Variants in ARVCF observed in about 807,000 individuals in gnomAD.
The protein encoded by ARVCF is splicing regulator ARVCF.
ARVCF carries 66 observed loss-of-function variants against 90.9 expected under a neutral mutation model. The ratio of observed to expected loss-of-function variants is 0.73; its 90% CI spans 0.60 to 0.89. ARVCF has a LOEUF of 0.89. Among genes scored for constraint, ARVCF ranks in the 40% least tolerant of loss-of-function variants. The pLI is 0.00. For synonymous variants in ARVCF, 653 were observed against 603.4 expected (o/e 1.08, Z -1.21); for missense variants, 1,469 against 1,382.3 (o/e 1.06, Z -1.00).
rs1943992787 is a variant in ARVCF at position 19,990,687 on chromosome 22, A to G, written c.108T>C (p.His36=). 6.2e-7 allele frequency: 1 copy of G among 1,604,004 alleles called. No homozygotes were observed. The change falls in exon 3 of 20, where the codon CAT becomes CAC. Residue 36 remains histidine (H), a synonymous_variant. Transcript: ENST00000263207. The stretch of plus-strand genomic sequence containing the variant: ...GGGCACGCTCCAGCTGTAGGGCAAC[A>G]TGGCGCCGCTCCTGCTCCAGTGCCC... ...LTRALEQERR[H]VALQLERAQQ... is the part of the protein sequence containing the mutation.
At chr22:19,991,072 G>A (rs182177413) in intron 2 of ARVCF, among the ~76,000 whole-genome samples, 13 of 152,374 alleles carry the variant, frequency 8.5e-5, no homozygotes, top group African/African-American at 2.6e-4. Flanking sequence ...GCAGAAACAT[G>A]GGCCGTGGGC....
chr22:19,980,849 G>A (rs759152471), intron 5 of ARVCF: 24 of 251,426 alleles, frequency 9.5e-5, no homozygotes, highest in East Asian at 2.3e-4. Context: ...ATCCTGACCC[G>A]GGCTGTGGTC....
At chr22:19,967,983 G>A (rs1463911767), downstream of ARVCF, among the ~76,000 whole-genome samples, 1 of 152,206 alleles carries the variant, frequency 6.6e-6, no homozygotes, top group Non-Finnish European at 1.5e-5. Flanking sequence ...GTCCTCCCAG[G>A]GCCCAGGCAC....
At position 19,975,711 on chromosome 22, in the gene ARVCF, C is replaced by T; in HGVS notation, c.1935G>A (p.Leu645=). Residue 645 remains leucine (L), a synonymous_variant, in exon 11 of 20, where the codon CTG becomes CTA. Coordinates refer to ENST00000263207, the MANE Select transcript of ARVCF (RefSeq NM_001670.3). ...CTTTGGCGGCCTCAGTTCGCTTGGGCAGGTCTAGCGTGTCAAAGTTCCGGT... is the reference window on the plus strand; with the variant it reads ...CTTTGGCGGCCTCAGTTCGCTTGGGTAGGTCTAGCGTGTCAAAGTTCCGGT... ...EMDRNFDTLD[L]PKRTEAAKGF... The T allele has an allele frequency of 6.2e-7, 1 of 1,613,688 alleles. No homozygotes were observed. Among genetic ancestry groups the T allele is most frequent in the South Asian group, 1.1e-5 (1 of 91,074 alleles).
At position 19,974,161 on chromosome 22, in the gene ARVCF, AGGGTGTTGAAGTTCC is replaced by A; in HGVS notation, c.2024_2038del (p.Arg675_Thr679del). On this transcript the variant is annotated inframe_deletion, in exon 12 of 20. Transcript: ENST00000263207. ...CTGCAGAGCGCCGGCGGCAGCCTCC[AGGGTGTTGAAGTTCC>A]GGCTCTCCGTGAGGAGGGAGAGGTA... The A allele has an allele frequency of 6.2e-7, 1 of 1,613,034 alleles. No individual in the cohort carries two copies.
Position 19,980,229 on chromosome 22 carries a change from T to G in ARVCF, c.910A>C (p.Thr304Pro). The G allele has an allele frequency of 5.2e-6, 8 of 1,534,640 alleles. No homozygotes were observed. The highest frequency in any genetic ancestry group is 7.0e-6 in the Non-Finnish European group (8 of 1,141,384). The change falls in exon 6 of 20, where the codon ACA becomes CCA. Residue 304 changes from threonine to proline, a missense_variant. Physicochemically the swap from Thr to Pro is conservative, Grantham distance 38. Transcript: ENST00000263207. ...RGLHTRAYED[T>P]ADDGGELADE... ...GCCAGCTCGCCGCCATCATCTGCTG[T>G]GTCCTCGTAGGCCCTGCACAGGCAA...
chr22:19,970,044 C>A lies in ARVCF; in HGVS notation c.*712G>T. On this transcript the variant is annotated 3_prime_UTR_variant, in exon 20 of 20. Coordinates refer to ENST00000263207, the MANE Select transcript of ARVCF (RefSeq NM_001670.3). ...GCAGGCACTGAAAGCAGTCCCCCAG[C>A]CACTGCCGAAGGTCAGTCCCGGAGG... 1.0e-6 allele frequency: 1 copy of A among 985,616 alleles called. No homozygotes were observed. Among genetic ancestry groups the A allele is most frequent in the Non-Finnish European group, 1.2e-6 (1 of 829,946 alleles). The allele number at this position is 985,616 out of a possible 1,614,324, so 61.1% of individuals were successfully genotyped here.
chr22:19,975,699 A>T lies in ARVCF; in HGVS notation c.1947T>A (p.Thr649=). 1 of 1,613,670 alleles carries T rather than the reference A, an allele frequency of 6.2e-7. No individual in the cohort carries two copies. Among genetic ancestry groups the T allele is most frequent in the East Asian group, 2.2e-5 (1 of 44,874 alleles). The change falls in exon 11 of 20, where the codon ACT becomes ACA. Residue 649 remains threonine (T), a synonymous_variant. Transcript: ENST00000263207. The part of the protein sequence containing the change: ...NFDTLDLPKR[T]EAAKGFELLY... ...CAGCCCACTCACCTTTGGCGGCCTC[A>T]GTTCGCTTGGGCAGGTCTAGCGTGT...
chr22:19,982,121 G>C (rs375389795), intron 3 of ARVCF, 30 bp from the exon 4 acceptor site: 60 of 1,604,932 alleles, frequency 3.7e-5, no homozygotes, highest in Non-Finnish European at 5.0e-5. Context: ...TGGTGGGCAG[G>C]CCTGCTGCTC....
chr22:20,007,164 C>T (rs562394912), intron 2 of ARVCF, among the ~76,000 whole-genome samples: 7 of 152,028 alleles, frequency 4.6e-5, no homozygotes, highest in African/African-American at 9.6e-5. Flanking sequence ...TTTGGGAGGC[C>T]GAGGCGGGAG....
chr22:19,981,341 C>T lies in ARVCF; in HGVS notation c.766G>A (p.Ala256Thr), dbSNP rs775100197. The T allele has an allele frequency of 3.1e-6, 5 of 1,606,122 alleles. No individual in the cohort carries two copies. The South Asian group carries it at 5.6e-5, about 18-fold the overall frequency. ...GGRSLPERFQ[A>T]EPYGLEDDTR... ...TCATCCTCCAAGCCATACGGCTCTG[C>T]CTGGAAGCGCTCGGGCAGGGAGCGG... The change falls in exon 5 of 20, where the codon GCA becomes ACA. Residue 256 changes from alanine (A) to threonine (T), a missense_variant. By Grantham distance (58) the Ala-to-Thr change is moderately conservative (BLOSUM62 0). Transcript: ENST00000263207.
intron 18 of ARVCF, 142 bp downstream of exon 18, chr22:19,971,744 G>C (rs1243904504): frequency 1.9e-5 from 16 of 835,916 alleles, no homozygotes; most frequent in Non-Finnish European, 3.1e-5. Flanking sequence ...CTGGCGTGAA[G>C]GGGCTGCTTC....
chr22:19,977,319 T>C (rs1196831607), intron 9 of ARVCF, 96 bp downstream of exon 9: 2 of 1,429,220 alleles, frequency 1.4e-6, no homozygotes, highest in Non-Finnish European at 1.9e-6. Flanking sequence ...AGGTGTCCTC[T>C]AGCCTCCATG....
chr22:20,003,138 A>C (rs1944501631), intron 2 of ARVCF, among the ~76,000 whole-genome samples: 1 of 152,236 alleles, frequency 6.6e-6, no homozygotes, highest in African/African-American at 2.4e-5. Flanking sequence ...GAAATGGAAA[A>C]ATTTCCTAGA....
chr22:19,988,384 T>C (rs891525716), intron 3 of ARVCF, among the ~76,000 whole-genome samples: 1 of 152,262 alleles, frequency 6.6e-6, no homozygotes, highest in African/African-American at 2.4e-5. Context: ...ATCTTATCTT[T>C]AAGCTGGCTC....
intron 3 of ARVCF, among the ~76,000 whole-genome samples, chr22:19,987,341 G>T (rs1330937797): frequency 1.4e-5 from 2 of 145,698 alleles, no homozygotes; most frequent in Non-Finnish European, 3.1e-5. Context: ...AGAGACAGGG[G>T]GCGGGGCCCT....
At chr22:20,001,743 G>T (rs1944452926) in intron 2 of ARVCF, among the ~76,000 whole-genome samples, 1 of 152,072 alleles carries the variant, frequency 6.6e-6, no homozygotes, top group African/African-American at 2.4e-5. Context: ...GGTGAGCCAG[G>T]ATCACCTCAC....
At chr22:19,971,169 C>T in intron 19 of ARVCF, 47 bp downstream of exon 19, 2 of 1,551,032 alleles carry the variant, frequency 1.3e-6, no homozygotes, top group East Asian at 2.4e-5. Context: ...AAGCCCTGGC[C>T]CAGAGGGCAG....
chr22:20,005,774 C>T (rs1019089948), intron 2 of ARVCF, among the ~76,000 whole-genome samples: 25 of 145,288 alleles, frequency 1.7e-4, no homozygotes, highest in East Asian at 1.4e-3. Flanking sequence ...CCAGCCTGGG[C>T]GGCAGAGCGA....
Sources: gnomAD v4.1 joint callset for allele counts (sites outside exome capture counted in the v4.1 genomes callset) on GRCh38, gnomAD v4.1.1 for gene constraint, MANE v1.5 for transcripts, NCBI Gene and HGNC (gene_info 2026-07-23, HGNC 2026-07-21) for gene names.